Variants in TDP1 observed in about 807,000 individuals in gnomAD.
TDP1 encodes the protein tyr-DNA phosphodiesterase 1.
TDP1 carries 64 observed loss-of-function variants against 81.5 expected under a neutral mutation model. That is an observed-to-expected ratio of 0.79 (90% confidence interval 0.64 to 0.97). TDP1 has a LOEUF of 0.97. TDP1 is among the 50% of genes least tolerant of loss of function. The pLI is 0.00. For missense variants in TDP1, 723 were observed against 743.8 expected (o/e 0.97, Z 0.33); for synonymous variants, 256 against 264.3 (o/e 0.97, Z 0.30).
chr14:90,037,100 C>G (rs1887896524), intron 16 of TDP1, among the ~76,000 whole-genome samples: 1 of 152,200 alleles, frequency 6.6e-6, no homozygotes, highest in Admixed American at 6.5e-5. Flanking sequence ...ATGAGAGCCA[C>G]CACACCTGGC....
chr14:90,002,734 T>G (rs73328409), intron 14 of TDP1, among the ~76,000 whole-genome samples: 6,545 of 148,244 alleles, frequency 0.044, 480 homozygotes, highest in African/African-American at 0.15. Context: ...CGGGGGATGC[T>G]TGGTGGTGTG....
chr14:90,007,568 A>G (rs34149589), intron 14 of TDP1, among the ~76,000 whole-genome samples: 3,200 of 152,198 alleles, frequency 0.021, 107 homozygotes, highest in African/African-American at 0.072. Context: ...CAACCTGGGT[A>G]ATAGAGCAAG....
At chr14:89,960,117 G>C (rs1892151677) in intron 2 of TDP1, among the ~76,000 whole-genome samples, 1 of 152,140 alleles carries the variant, frequency 6.6e-6, no homozygotes, top group African/African-American at 2.4e-5. Context: ...TTCAGAGAGT[G>C]GTTTTTCCTA....
intron 16 of TDP1, among the ~76,000 whole-genome samples, chr14:90,041,817 ATG>A (rs1460211148): frequency 1.1e-4 from 16 of 152,244 alleles, no homozygotes; most frequent in Non-Finnish European, 2.2e-4. Context: ...AGCAGTGGCA[ATG>A]TGTGGTAAAA....
intron 3 of TDP1, chr14:89,965,722 G>C: frequency 1.0e-5 from 10 of 974,018 alleles, no homozygotes; most frequent in Non-Finnish European, 1.2e-5. Flanking sequence ...TTTCTGGAAA[G>C]TCTTTCTAAA....
At chr14:90,030,202 T>C (rs1241871076) in intron 15 of TDP1, among the ~76,000 whole-genome samples, 1 of 152,212 alleles carries the variant, frequency 6.6e-6, no homozygotes. Context: ...CTGCCTGCCC[T>C]CCGTGTCTTC....
chr14:90,013,098 G>C (rs1341316971), intron 14 of TDP1, among the ~76,000 whole-genome samples: 1 of 152,232 alleles, frequency 6.6e-6, no homozygotes, highest in Non-Finnish European at 1.5e-5. Flanking sequence ...CTGACTTGCT[G>C]TTGATTTTAC....
chr14:90,005,117 G>T (rs766544292), intron 14 of TDP1, among the ~76,000 whole-genome samples: 13 of 152,094 alleles, frequency 8.5e-5, no homozygotes, highest in Non-Finnish European at 1.8e-4. Flanking sequence ...ACCATATATT[G>T]GACTATTCAG....
intron 7 of TDP1, among the ~76,000 whole-genome samples, chr14:89,977,587 C>G (rs373875550): frequency 6.6e-6 from 1 of 152,198 alleles, no homozygotes; most frequent in Non-Finnish European, 1.5e-5. Flanking sequence ...CGTGAGCCAC[C>G]GCACCTAGCG....
intron 14 of TDP1, among the ~76,000 whole-genome samples, chr14:90,017,732 G>A (rs1039717003): frequency 4.6e-5 from 7 of 152,104 alleles, no homozygotes; most frequent in Admixed American, 1.3e-4. Context: ...TTTCCTCTTC[G>A]CCCAGGAGAT....
intron 16 of TDP1, among the ~76,000 whole-genome samples, chr14:90,035,018 A>G (rs1887681748): frequency 6.6e-6 from 1 of 151,944 alleles, no homozygotes; most frequent in African/African-American, 2.4e-5. Flanking sequence ...TGGTGAACCA[A>G]GCCTCCTCTG....
intron 14 of TDP1, among the ~76,000 whole-genome samples, chr14:90,005,328 G>C (rs1239159302): frequency 6.6e-6 from 1 of 152,170 alleles, no homozygotes; most frequent in Admixed American, 6.5e-5. Context: ...AGAGAGATGA[G>C]TGCAAGTAAT....
chr14:90,030,716 G>A (rs1011066468), intron 15 of TDP1, among the ~76,000 whole-genome samples: 2 of 151,954 alleles, frequency 1.3e-5, no homozygotes, highest in African/African-American at 2.4e-5. Context: ...CTTGTGCTGG[G>A]TGCTAAAGTT....
At chr14:90,042,475 C>A (rs1888453763) in intron 16 of TDP1, among the ~76,000 whole-genome samples, 1 of 152,106 alleles carries the variant, frequency 6.6e-6, no homozygotes. Flanking sequence ...CAGGATTTGC[C>A]CCTGTGTCTC....
intron 14 of TDP1, among the ~76,000 whole-genome samples, chr14:89,995,332 A>G (rs1211237846): frequency 6.6e-6 from 1 of 152,226 alleles, no homozygotes. Context: ...GCTGCCTACT[A>G]TCATGCAGTA....
rs1434755219 is a variant in TDP1 at position 90,019,298 on chromosome 14, G to A, written c.1542-18G>A. 1.9e-6 allele frequency: 3 copies of A among 1,549,526 alleles called. No individual in the cohort carries two copies. Among genetic ancestry groups the A allele is most frequent in the Non-Finnish European group, 2.7e-6 (3 of 1,122,028 alleles). On this transcript the variant is annotated intron_variant, in intron 14 of 16. Coordinates refer to ENST00000335725, the MANE Select transcript of TDP1 (RefSeq NM_018319.4). Reference sequence around the variant, plus strand: ...ATGCCTCCCTGAGTCAGCCCTATCTGTGTCCTTGTCTCTGCAGCGCAAATC... The same window carrying A: ...ATGCCTCCCTGAGTCAGCCCTATCTATGTCCTTGTCTCTGCAGCGCAAATC...
intron 14 of TDP1, among the ~76,000 whole-genome samples, chr14:89,998,603 G>A (rs745693744): frequency 1.8e-4 from 28 of 151,394 alleles, no homozygotes; most frequent in Admixed American, 3.3e-4. Flanking sequence ...TGTCCTGTAG[G>A]GTGTGAGTGC....
rs1893583743 is a variant in TDP1 at position 89,971,112 on chromosome 14, A to G, written c.660-63A>G. 1.1e-5 allele frequency: 16 copies of G among 1,426,294 alleles called. No individual in the cohort carries two copies. The South Asian group carries it at 1.8e-4, about 16-fold the overall frequency. 88.4% of individuals were successfully genotyped at this position (1,426,294 alleles called of 1,614,324 possible). ...CGGCCTCCCAAGGTGCCGGGATTAC[A>G]GGTGTGAGCCACTGAGCCTGGCCAT... On this transcript the variant is annotated intron_variant, in intron 5 of 16. Coordinates refer to ENST00000335725, the MANE Select transcript of TDP1 (RefSeq NM_018319.4).
chr14:89,989,170 T>C, intron 11 of TDP1, 80 bp downstream of exon 11: 1 of 1,392,032 alleles, frequency 7.2e-7, no homozygotes, highest in Non-Finnish European at 9.9e-7. Context: ...CTCTTTGTAA[T>C]GGAGAGATGT....
Sources: allele counts gnomAD v4.1 joint callset (sites outside exome capture counted in the v4.1 genomes callset), GRCh38; gene constraint gnomAD v4.1.1; transcripts MANE v1.5; gene names NCBI Gene and HGNC (gene_info 2026-07-23, HGNC 2026-07-21).